Variants in SLC7A14 observed in about 807,000 individuals in gnomAD.
SLC7A14 encodes gamma-aminobutyric acid transporter SLC7A14.
Under a neutral mutation model 60.2 loss-of-function variants are expected in SLC7A14, and 37 were observed. The observed-to-expected ratio is 0.61, with a 90% CI of 0.47 to 0.81. The LOEUF (loss-of-function observed/expected upper bound fraction) is 0.81. Among genes scored for constraint, SLC7A14 ranks in the 30% least tolerant of loss-of-function variants. SLC7A14 has a pLI of 0.00. For missense variants in SLC7A14, 886 were observed against 982.7 expected, an observed-to-expected ratio of 0.90 and a Z score of 1.32; for synonymous variants, 399 against 395.8, an observed-to-expected ratio of 1.01 and a Z score of -0.10.
At chr3:170,511,563 T>C (rs1311987512) in intron 2 of SLC7A14, among the ~76,000 whole-genome samples, 1 of 152,162 alleles carries the variant, frequency 6.6e-6, no homozygotes, top group East Asian at 1.9e-4. Flanking sequence ...GTTCCTGACA[T>C]ATGTTAGGTA....
intron 1 of SLC7A14, among the ~76,000 whole-genome samples, chr3:170,550,649 G>A (rs1714322129): frequency 6.6e-6 from 1 of 150,586 alleles, no homozygotes; most frequent in Admixed American, 6.7e-5. Context: ...AGCCTCCTGA[G>A]TAGCTGGGAT....
chr3:170,468,977 G>A (rs1739802667), intron 7 of SLC7A14, among the ~76,000 whole-genome samples: 1 of 152,212 alleles, frequency 6.6e-6, no homozygotes, highest in Non-Finnish European at 1.5e-5. Context: ...GCATAGGTAT[G>A]TTTTTAAAAC....
chr3:170,513,530 A>G (rs375165529), intron 2 of SLC7A14, among the ~76,000 whole-genome samples: 1 of 152,376 alleles, frequency 6.6e-6, no homozygotes, highest in East Asian at 1.9e-4. Flanking sequence ...ATGTAAATGT[A>G]TACATTATAT....
chr3:170,561,650 T>C (rs752998092), intron 1 of SLC7A14, among the ~76,000 whole-genome samples: 3 of 152,240 alleles, frequency 2.0e-5, no homozygotes, highest in Non-Finnish European at 2.9e-5. Flanking sequence ...CCATGGGCTA[T>C]TGTTGATTAT....
intron 1 of SLC7A14, among the ~76,000 whole-genome samples, chr3:170,579,305 T>C (rs1715177071): frequency 1.3e-5 from 2 of 152,240 alleles, no homozygotes; most frequent in South Asian, 4.1e-4. Context: ...ATTGACATAA[T>C]AATATGTTGT....
chr3:170,507,059 G>A (rs1712802563), intron 2 of SLC7A14, among the ~76,000 whole-genome samples: 1 of 152,122 alleles, frequency 6.6e-6, no homozygotes, highest in African/African-American at 2.4e-5. Context: ...CTTTCACCTG[G>A]AAGGATTAAA....
chr3:170,583,227 A>G (rs1715285935), intron 1 of SLC7A14, among the ~76,000 whole-genome samples: 1 of 152,130 alleles, frequency 6.6e-6, no homozygotes, highest in Admixed American at 6.5e-5. Context: ...ATGACACACT[A>G]CCATTCCCAT....
Position 170,467,395 on chromosome 3 carries a change from A to G in SLC7A14, c.1994-18T>C. 1 of 1,345,312 alleles carries G rather than the reference A, an allele frequency of 7.4e-7. No homozygotes were observed. Among genetic ancestry groups the G allele is most frequent in the Middle Eastern group, 2.4e-4 (1 of 4,146 alleles). 83.3% of individuals were successfully genotyped at this position (1,345,312 alleles called of 1,614,324 possible). On this transcript the variant is annotated intron_variant, in intron 7 of 7. Transcript: ENST00000231706. ...GAGCAGACCTGTGGGGCGAGGGGAAAGGTACAGGTGAATAAGCAATTGCTT... is the reference window on the plus strand; with the variant it reads ...GAGCAGACCTGTGGGGCGAGGGGAAGGGTACAGGTGAATAAGCAATTGCTT...
At chr3:170,526,582 C>A (rs1386925042) in intron 2 of SLC7A14, 51 bp downstream of exon 2, 5 of 1,580,868 alleles carry the variant, frequency 3.2e-6, no homozygotes, top group Non-Finnish European at 4.3e-6. Flanking sequence ...GAACAGTGAC[C>A]AGGCTGGTAA....
intron 3 of SLC7A14, 99 bp downstream of exon 3, chr3:170,501,009 GC>G: frequency 9.7e-7 from 1 of 1,035,422 alleles, no homozygotes; most frequent in Non-Finnish European, 1.5e-6. Flanking sequence ...TATATTTAAG[GC>G]TTTTGATACA....
chr3:170,574,978 A>G (rs1577574424), intron 1 of SLC7A14, among the ~76,000 whole-genome samples: 1 of 150,048 alleles, frequency 6.7e-6, no homozygotes, highest in East Asian at 2.0e-4. Context: ...TTAAATGCTT[A>G]TTGAATGAAG....
chr3:170,573,045 A>G (rs148149409), intron 1 of SLC7A14, among the ~76,000 whole-genome samples: 3 of 152,328 alleles, frequency 2.0e-5, no homozygotes, highest in Non-Finnish European at 4.4e-5. Context: ...TAGTCGCCAC[A>G]TGACTGTTTT....
chr3:170,503,432 T>C (rs984655424), intron 2 of SLC7A14, among the ~76,000 whole-genome samples: 1 of 152,170 alleles, frequency 6.6e-6, no homozygotes, highest in Non-Finnish European at 1.5e-5. Context: ...TTTTCTTGGA[T>C]GCCGTGTGTT....
intron 2 of SLC7A14, among the ~76,000 whole-genome samples, chr3:170,508,808 T>G (rs1712868424): frequency 6.6e-6 from 1 of 151,938 alleles, no homozygotes; most frequent in Non-Finnish European, 1.5e-5. Context: ...AGATGGGGAG[T>G]GGGGTATGAA....
chr3:170,538,376 T>C (rs1431868464), intron 1 of SLC7A14, among the ~76,000 whole-genome samples: 1 of 152,192 alleles, frequency 6.6e-6, no homozygotes, highest in Non-Finnish European at 1.5e-5. Flanking sequence ...ACCTGTTTCT[T>C]TGAGATTTAT....
At chr3:170,513,581 G>A (rs1446304870) in intron 2 of SLC7A14, among the ~76,000 whole-genome samples, 8 of 152,212 alleles carry the variant, frequency 5.3e-5, no homozygotes, top group Non-Finnish European at 1.2e-4. Flanking sequence ...TTCAGGGCCA[G>A]ATCTATGAGA....
intron 1 of SLC7A14, among the ~76,000 whole-genome samples, chr3:170,568,935 A>G (rs1248137178): frequency 1.3e-5 from 2 of 152,230 alleles, no homozygotes; most frequent in Non-Finnish European, 1.5e-5. Context: ...TTTTCTAGAT[A>G]TACAATCATG....
In SLC7A14 at chr3:170,535,806, G is replaced by C. The variant is rs1037005138; in HGVS notation, c.-152-8718C>G. On this transcript the variant is annotated intron_variant, in intron 1 of 7. Transcript: ENST00000231706. This position sits in a 1 kb window ranked among gnomAD's most constrained non-coding sequence, Gnocchi z 4.3. Reference sequence around the variant, plus strand: ...TCCCCCCTGTCATTTCAGGCAGTGGGTAGTACTCATGTTTCTAGCCCTTGG... The same window carrying C: ...TCCCCCCTGTCATTTCAGGCAGTGGCTAGTACTCATGTTTCTAGCCCTTGG... Among the ~76,000 whole-genome samples the C allele has an allele frequency of 6.6e-6, 1 of 152,152 alleles. No homozygotes were observed. Among genetic ancestry groups the C allele is most frequent in the African/African-American group, 2.4e-5 (1 of 41,432 alleles).
rs1713814253 is a variant in SLC7A14 at position 170,535,606 on chromosome 3, G to A, written c.-152-8518C>T. Among the ~76,000 whole-genome samples the A allele has an allele frequency of 6.6e-6, 1 of 152,140 alleles. No individual in the cohort carries two copies. Among genetic ancestry groups the A allele is most frequent in the African/African-American group, 2.4e-5 (1 of 41,438 alleles). ...AGCTGACATGCTCCCTTGCCCTCTG[G>A]TTGGATTGGTCAATGGGAGGCACCA... On this transcript the variant is annotated intron_variant, in intron 1 of 7. Transcript: ENST00000231706. This position sits in a 1 kb window ranked among gnomAD's most constrained non-coding sequence, Gnocchi z 4.3.
Sources: gnomAD v4.1 joint callset for allele counts (sites outside exome capture counted in the v4.1 genomes callset) on GRCh38, gnomAD v4.1.1 for gene constraint, Gnocchi (gnomAD v3.1) non-coding constraint, MANE v1.5 for transcripts, NCBI Gene and HGNC (gene_info 2026-07-23, HGNC 2026-07-21) for gene names.